The following TMEM107 variants were observed in gnomAD, a reference collection of about 807,000 sequenced individuals.
The protein encoded by TMEM107 is transmembrane protein 107.
Under a neutral mutation model 16.8 loss-of-function variants are expected in TMEM107, and 18 were observed. That is an observed-to-expected ratio of 1.07 (90% CI 0.74 to 1.59). The LOEUF is 1.59. Among genes scored for constraint, TMEM107 ranks in the 40% most tolerant of loss-of-function variants. The pLI is 0.00. For synonymous variants in TMEM107, 68 were observed against 71.6 expected (o/e 0.95, Z 0.25); for missense variants, 152 against 175.4 (o/e 0.87, Z 0.75).
rs368022715 is a variant in TMEM107 at position 8,173,565 on chromosome 17, G to C, written c.*638C>G. On this transcript the variant is annotated 3_prime_UTR_variant, in exon 5 of 5. Transcript: ENST00000437139. ...AATCTGCCCTCCGGAGGAGGAACAG[G>C]TAAGGATTATCCCACCTGACGATAC... The C allele has an allele frequency of 1.0e-5, 8 of 765,148 alleles. No individual in the cohort carries two copies. Among genetic ancestry groups the C allele is most frequent in the East Asian group, 4.8e-5 (2 of 41,258 alleles). 47.4% of individuals were successfully genotyped at this position (765,148 alleles called of 1,614,324 possible).
chr17:8,175,462 T>G, intron 3 of TMEM107: 1 of 595,152 alleles, frequency 1.7e-6, no homozygotes, highest in Non-Finnish European at 3.0e-6. Flanking sequence ...AAAGAAACGG[T>G]GGGGTTTTTA....
At position 8,174,063 on chromosome 17, in the gene TMEM107, A is replaced by G; in HGVS notation, c.*140T>C. The G allele has an allele frequency of 1.4e-6, 1 of 702,868 alleles. No homozygotes were observed. Among genetic ancestry groups the G allele is most frequent in the Non-Finnish European group, 2.6e-6 (1 of 391,198 alleles). 43.5% of individuals were successfully genotyped at this position (702,868 alleles called of 1,614,324 possible). ...CAATGCGGATAATCCCAGACTCAAGACGTAATTATTCCAACACATATCCTC... is the reference window on the plus strand; with the variant it reads ...CAATGCGGATAATCCCAGACTCAAGGCGTAATTATTCCAACACATATCCTC... On this transcript the variant is annotated 3_prime_UTR_variant, in exon 5 of 5. Transcript: ENST00000437139.
chr17:8,172,603 G>A lies in TMEM107; in HGVS notation c.*1600C>T, dbSNP rs777681798. ...TCATGCCTGTATCCTAGCACTTTAGGAGGCCTAGAGGCCTAGTGGGGAGGA... is the reference window on the plus strand; with the variant it reads ...TCATGCCTGTATCCTAGCACTTTAGAAGGCCTAGAGGCCTAGTGGGGAGGA... On this transcript the variant is annotated 3_prime_UTR_variant, in exon 5 of 5. Transcript: ENST00000437139. Among the ~76,000 whole-genome samples the A allele has an allele frequency of 6.6e-6, 1 of 152,004 alleles. No individual in the cohort carries two copies. The highest frequency in any genetic ancestry group is 1.5e-5 in the Non-Finnish European group (1 of 68,012).
Position 8,173,580 on chromosome 17 carries a change from C to G in TMEM107, c.*623G>C, listed in dbSNP as rs76749993. ...GGAGGAACAGGTAAGGATTATCCCA[C>G]CTGACGATACAGACAAACAGCCGAC... On this transcript the variant is annotated 3_prime_UTR_variant, in exon 5 of 5. Transcript: ENST00000437139. The G allele has an allele frequency of 5.1e-5, 39 of 764,168 alleles. No individual in the cohort carries two copies. In the Middle Eastern group the frequency reaches 1.1e-3, roughly 22 times the overall value. The allele number at this position is 764,168 out of a possible 1,614,324, so 47.3% of individuals were successfully genotyped here. A position where few individuals can be genotyped will look rare whatever the true frequency, so the allele number is the denominator to read the frequency against.
chr17:8,175,715 G>T, intron 3 of TMEM107, 42 bp downstream of exon 3: 7 of 1,530,956 alleles, frequency 4.6e-6, no homozygotes, highest in South Asian at 4.5e-5. Flanking sequence ...AGTCCTGATA[G>T]AAGTGGGTCG....
chr17:8,174,285 G>A lies in TMEM107; in HGVS notation c.354-13C>T, dbSNP rs1362972323. 6.2e-7 allele frequency: 1 copy of A among 1,611,888 alleles called. No homozygotes were observed. Among genetic ancestry groups the A allele is most frequent in the Admixed American group, 1.7e-5 (1 of 60,016 alleles). ...AGCTGGAAGGGCACTACCAAGGCAA[G>A]TGGTAGATTCAGAAACCCTTTCAGT... On this transcript the variant is annotated splice_polypyrimidine_tract_variant and intron_variant, in intron 4 of 4. Transcript: ENST00000437139.
At chr17:8,174,991 T>G (rs1374197436) in intron 3 of TMEM107, 3 of 228,850 alleles carry the variant, frequency 1.3e-5, no homozygotes. Flanking sequence ...CTGACCCATG[T>G]GCCTCATCTC....
At position 8,173,598 on chromosome 17, in the gene TMEM107, C is replaced by A. The variant is rs11650713; in HGVS notation, c.*605G>T. The stretch of plus-strand genomic sequence containing the variant: ...TATCCCACCTGACGATACAGACAAA[C>A]AGCCGACATTCTGCACTCAGTGAAA... On this transcript the variant is annotated 3_prime_UTR_variant, in exon 5 of 5. Coordinates refer to ENST00000437139, the MANE Select transcript of TMEM107 (RefSeq NM_183065.4). 1.8e-5 allele frequency: 14 copies of A among 761,978 alleles called. No individual in the cohort carries two copies. Among genetic ancestry groups the A allele is most frequent in the Non-Finnish European group, 3.1e-5 (13 of 415,876 alleles). 47.2% of individuals were successfully genotyped at this position (761,978 alleles called of 1,614,324 possible).
In TMEM107 at chr17:8,173,481, A is replaced by G. The variant is rs753825081; in HGVS notation, c.*722T>C. 5 of 764,882 alleles carry G rather than the reference A, an allele frequency of 6.5e-6. No individual in the cohort carries two copies. Among genetic ancestry groups the G allele is most frequent in the East Asian group, 2.4e-5 (1 of 41,262 alleles). 47.4% of individuals were successfully genotyped at this position (764,882 alleles called of 1,614,324 possible). ...CAGACAGGAGCAATCAGGGTGTTGCAAGTCCTGATTACGCAGAGACGTTAA... is the reference window on the plus strand; with the variant it reads ...CAGACAGGAGCAATCAGGGTGTTGCGAGTCCTGATTACGCAGAGACGTTAA... On this transcript the variant is annotated 3_prime_UTR_variant, in exon 5 of 5. Transcript: ENST00000437139.
rs1491219497 is a variant in TMEM107 at position 8,172,876 on chromosome 17, C to CAA, written c.*1326_*1327insTT. Among the ~76,000 whole-genome samples, 23 of 109,932 alleles carry CAA rather than the reference C, an allele frequency of 2.1e-4. 2 individuals carry two copies. Among genetic ancestry groups the CAA allele is most frequent in the African/African-American group, 7.9e-4 (22 of 27,884 alleles). 72.1% of individuals were successfully genotyped at this position (109,932 alleles called of 152,430 possible). A position where few individuals can be genotyped will look rare whatever the true frequency, so the allele number is the denominator to read the frequency against. On this transcript the variant is annotated 3_prime_UTR_variant, in exon 5 of 5. Coordinates refer to ENST00000437139, the MANE Select transcript of TMEM107 (RefSeq NM_183065.4). Reference sequence around the variant, plus strand: ...GTCTCAAAAAAAAAAAAAAAAAAAACCAAAAGAGGGGGGTGGTCAACATAC... The same window carrying CAA: ...GTCTCAAAAAAAAAAAAAAAAAAAACAACAAAAGAGGGGGGTGGTCAACATAC...
chr17:8,173,520 A>ATCTCCAATCATCATGT lies in TMEM107; in HGVS notation c.*667_*682dup. 1 of 765,416 alleles carries ATCTCCAATCATCATGT rather than the reference A, an allele frequency of 1.3e-6. No homozygotes were observed. Among genetic ancestry groups the ATCTCCAATCATCATGT allele is most frequent in the Non-Finnish European group, 2.4e-6 (1 of 418,036 alleles). 47.4% of individuals were successfully genotyped at this position (765,416 alleles called of 1,614,324 possible). A position where few individuals can be genotyped will look rare whatever the true frequency, so the allele number is the denominator to read the frequency against. On this transcript the variant is annotated 3_prime_UTR_variant, in exon 5 of 5. Transcript: ENST00000437139. The stretch of plus-strand genomic sequence containing the variant: ...CAGAGACGTTAATCACGTTTCATGC[A>ATCTCCAATCATCATGT]TCTCCAATCATCATGTTCTAATCTG...
chr17:8,176,349 G>C lies in TMEM107; in HGVS notation c.-63C>G. The C allele has an allele frequency of 1.5e-6, 2 of 1,377,550 alleles. No homozygotes were observed. Among genetic ancestry groups the C allele is most frequent in the Non-Finnish European group, 2.0e-6 (2 of 993,494 alleles). The allele number at this position is 1,377,550 out of a possible 1,614,324, so 85.3% of individuals were successfully genotyped here. Reference sequence around the variant, plus strand: ...AAGTTCAGAGACAGCGACTCCTGAAGTCTCCCCGCAAGCCGACAAATCTAG... The same window carrying C: ...AAGTTCAGAGACAGCGACTCCTGAACTCTCCCCGCAAGCCGACAAATCTAG... On this transcript the variant is annotated 5_prime_UTR_variant, in exon 1 of 5. Coordinates refer to ENST00000437139, the MANE Select transcript of TMEM107 (RefSeq NM_183065.4).
chr17:8,174,285 G>C lies in TMEM107; in HGVS notation c.354-13C>G. The C allele has an allele frequency of 6.2e-7, 1 of 1,611,888 alleles. No homozygotes were observed. The highest frequency in any genetic ancestry group is 8.5e-7 in the Non-Finnish European group (1 of 1,177,912). On this transcript the variant is annotated splice_polypyrimidine_tract_variant and intron_variant, in intron 4 of 4. Coordinates refer to ENST00000437139, the MANE Select transcript of TMEM107 (RefSeq NM_183065.4). ...AGCTGGAAGGGCACTACCAAGGCAA[G>C]TGGTAGATTCAGAAACCCTTTCAGT... is the stretch of plus-strand genomic sequence containing the variant.
rs1400162090 is a variant in TMEM107, at chr17:8,173,514, T to G, written c.*689A>C. 6.5e-6 allele frequency: 5 copies of G among 765,268 alleles called. No homozygotes were observed. Among genetic ancestry groups the G allele is most frequent in the Non-Finnish European group, 1.2e-5 (5 of 418,036 alleles). The allele number at this position is 765,268 out of a possible 1,614,324, so 47.4% of individuals were successfully genotyped here. On this transcript the variant is annotated 3_prime_UTR_variant, in exon 5 of 5. Coordinates refer to ENST00000437139, the MANE Select transcript of TMEM107 (RefSeq NM_183065.4). ...ATTACGCAGAGACGTTAATCACGTT[T>G]CATGCATCTCCAATCATCATGTTCT...
chr17:8,176,109 A>G, intron 1 of TMEM107, 83 bp from the exon 2 acceptor site: 1 of 1,603,806 alleles, frequency 6.2e-7, no homozygotes, highest in Admixed American at 1.7e-5. Context: ...AAGAAAACCC[A>G]AGAGGGTAAG....
At position 8,173,506 on chromosome 17, in the gene TMEM107, A is replaced by G. The variant is rs751587903; in HGVS notation, c.*697T>C. ...AAGTCCTGATTACGCAGAGACGTTAATCACGTTTCATGCATCTCCAATCAT... is the reference window on the plus strand; with the variant it reads ...AAGTCCTGATTACGCAGAGACGTTAGTCACGTTTCATGCATCTCCAATCAT... On this transcript the variant is annotated 3_prime_UTR_variant, in exon 5 of 5. Transcript: ENST00000437139. 11 of 765,226 alleles carry G rather than the reference A, an allele frequency of 1.4e-5. No homozygotes were observed. Among genetic ancestry groups the G allele is most frequent in the Non-Finnish European group, 2.4e-5 (10 of 418,028 alleles). The allele number at this position is 765,226 out of a possible 1,614,324, so 47.4% of individuals were successfully genotyped here.
rs1598274279 is a variant in TMEM107, at chr17:8,173,663, G to A, written c.*540C>T. The A allele has an allele frequency of 5.7e-6, 4 of 696,842 alleles. No individual in the cohort carries two copies. The highest frequency in any genetic ancestry group is 3.1e-5 in the South Asian group (2 of 65,094). 43.2% of individuals were successfully genotyped at this position (696,842 alleles called of 1,614,324 possible). ...AGCTAGGGTGAGTTCATAACGCGCT[G>A]GTATGAGCAATCCTATTATTTAGCG... On this transcript the variant is annotated 3_prime_UTR_variant, in exon 5 of 5. Transcript: ENST00000437139.
In TMEM107 at chr17:8,173,497, G is replaced by A. The variant is rs74861860; in HGVS notation, c.*706C>T. 1.0e-3 allele frequency: 777 copies of A among 765,260 alleles called. No homozygotes were observed. The highest frequency in any genetic ancestry group is 1.9e-3 in the South Asian group (143 of 74,592). 47.4% of individuals were successfully genotyped at this position (765,260 alleles called of 1,614,324 possible). The stretch of plus-strand genomic sequence containing the variant: ...GGGTGTTGCAAGTCCTGATTACGCA[G>A]AGACGTTAATCACGTTTCATGCATC... On this transcript the variant is annotated 3_prime_UTR_variant, in exon 5 of 5. Transcript: ENST00000437139.
chr17:8,175,514 G>A (rs1458977403), intron 3 of TMEM107: 2 of 613,072 alleles, frequency 3.3e-6, no homozygotes, highest in Non-Finnish European at 5.8e-6. Flanking sequence ...TCACTATGTT[G>A]CCTCCTGCCT....
Sources: allele counts gnomAD v4.1 joint callset (sites outside exome capture counted in the v4.1 genomes callset), GRCh38; gene constraint gnomAD v4.1.1; transcripts MANE v1.5; gene names NCBI Gene and HGNC (gene_info 2026-07-23, HGNC 2026-07-21).